INCENP: variants seen among roughly 807,000 people sequenced by gnomAD.
INCENP encodes binds and activates aurora-B and -C in vivo and in vitro.
In INCENP, 43 loss-of-function variants were observed where a neutral mutation model predicts 107.3. That is an observed-to-expected ratio of 0.40 (90% CI 0.31 to 0.52). INCENP has a LOEUF of 0.52. INCENP is among the 20% of genes least tolerant of loss of function. The probability of loss-of-function intolerance (pLI) is 0.53; values close to 1 mark genes in which losing one functional copy is unlikely to be tolerated. For missense variants in INCENP, 1,089 were observed against 1,250.9 expected (o/e 0.87, Z 1.95); for synonymous variants, 488 against 494.4 (o/e 0.99, Z 0.17).
At chr11:62,125,243 A>C (rs1158969117) in intron 1 of INCENP, among the ~76,000 whole-genome samples, 1 of 152,114 alleles carries the variant, frequency 6.6e-6, no homozygotes, top group Non-Finnish European at 1.5e-5. Context: ...ACCCTTTTTA[A>C]ATCGTTGCGC....
At chr11:62,132,690 C>T (rs1400209709) in intron 4 of INCENP, among the ~76,000 whole-genome samples, 1 of 152,172 alleles carries the variant, frequency 6.6e-6, no homozygotes, top group Non-Finnish European at 1.5e-5. Flanking sequence ...TCATGCCCTT[C>T]CATCACTCTT....
chr11:62,151,930 G>A lies in INCENP; in HGVS notation c.2711G>A (p.Gly904Asp). Residue 904 changes from glycine to aspartate, a missense_variant, in exon 19 of 19, where the codon GGC becomes GAC. Coordinates refer to ENST00000394818, the MANE Select transcript of INCENP (RefSeq NM_001040694.2). ...SAVWNSPPLQ[G>D]ARVPSSLAYS... ...GTCTGGAACTCACCGCCCCTGCAGG[G>A]CGCCAGGGTCCCCAGCAGCCTGGCC... 3 of 1,613,168 alleles carry A rather than the reference G, an allele frequency of 1.9e-6. No homozygotes were observed. Among genetic ancestry groups the A allele is most frequent in the African/African-American group, 1.3e-5 (1 of 75,068 alleles).
At chr11:62,148,717 C>T (rs1231091414) in intron 16 of INCENP, 22 bp from the exon 17 acceptor site, 1 of 1,556,164 alleles carries the variant, frequency 6.4e-7, no homozygotes, top group African/African-American at 1.4e-5. Context: ...TCCCTAACAC[C>T]CCATTGCCAC....
intron 1 of INCENP, 85 bp from the exon 2 acceptor site, chr11:62,128,066 G>A: frequency 2.2e-6 from 3 of 1,387,080 alleles, no homozygotes; most frequent in African/African-American, 2.8e-5. Context: ...GTGGTTGTGG[G>A]TCAGGTGGGT....
At chr11:62,128,022 A>T (rs761376315) in intron 1 of INCENP, 129 bp from the exon 2 acceptor site, 4 of 813,246 alleles carry the variant, frequency 4.9e-6, no homozygotes, top group Middle Eastern at 3.6e-4. Flanking sequence ...CTGTGAGCAG[A>T]GAGGGGCCCT....
chr11:62,129,699 A>G, intron 3 of INCENP, 83 bp from the exon 4 acceptor site: 1 of 1,147,300 alleles, frequency 8.7e-7, no homozygotes, highest in Non-Finnish European at 1.2e-6. Context: ...ATCATACTCT[A>G]TCCAAGCTGG....
At chr11:62,126,670 T>G (rs1418602849) in intron 1 of INCENP, among the ~76,000 whole-genome samples, 1 of 152,234 alleles carries the variant, frequency 6.6e-6, no homozygotes, top group Non-Finnish European at 1.5e-5. Flanking sequence ...GGTTGTCTCT[T>G]GGAATCCTCA....
intron 4 of INCENP, among the ~76,000 whole-genome samples, chr11:62,137,311 G>GA (rs947054947): frequency 6.6e-6 from 1 of 152,004 alleles, no homozygotes; most frequent in African/African-American, 2.4e-5. Flanking sequence ...TCAAAAAAAA[G>GA]AAAAAAAATT....
At chr11:62,136,501 G>A (rs990066363) in intron 4 of INCENP, among the ~76,000 whole-genome samples, 14 of 152,058 alleles carry the variant, frequency 9.2e-5, no homozygotes, top group Admixed American at 2.0e-4. Context: ...CCAACATAGC[G>A]AAACCCTATC....
In INCENP at chr11:62,141,240, T is replaced by C. The variant is rs1944115583; in HGVS notation, c.1593+196T>C. Among the ~76,000 whole-genome samples the C allele has an allele frequency of 2.0e-5, 3 of 152,214 alleles. No individual in the cohort carries two copies. The South Asian group carries it at 6.2e-4, about 32-fold the overall frequency. ...TGAGGGCACTGTCCTGCACTTGACCTTGTGGGCTCTGGACTACAGCCTGGA... is the reference window on the plus strand; with the variant it reads ...TGAGGGCACTGTCCTGCACTTGACCCTGTGGGCTCTGGACTACAGCCTGGA... On this transcript the variant is annotated intron_variant, in intron 10 of 18. Transcript: ENST00000394818.
Position 62,129,849 on chromosome 11 carries a change from G to T in INCENP, c.322G>T (p.Glu108Ter). Reference protein sequence around the residue: ...SRRLRSKDSVEKLATVVGENG... With the variant: ...SRRLRSKDSV The stretch of plus-strand genomic sequence containing the variant: ...ACGCCTCCGCAGCAAGGACAGTGTA[G>T]AGAAGCTGGCTACAGTGGTCGGGGA... Residue 108 changes from glutamate (E) to a stop codon, truncating the protein, a stop_gained, in exon 4 of 19, where the codon GAG (glutamate) becomes TAG (stop). Coordinates refer to ENST00000394818, the MANE Select transcript of INCENP (RefSeq NM_001040694.2). LOFTEE classifies it high-confidence loss of function. The T allele has an allele frequency of 6.2e-7, 1 of 1,613,092 alleles. No homozygotes were observed.
rs370271729 is a variant in INCENP, at chr11:62,148,841, G to A, written c.2386G>A (p.Val796Met). The change falls in exon 17 of 19, where the codon GTG (valine) becomes ATG (methionine). Residue 796 changes from valine (V) to methionine (M), a missense_variant. Transcript: ENST00000394818. ...CAAGGCCCTGAATGTGACTGTGGAC[G>A]TGCAGGTGCCACCTGGGCCCCAGTG... ...ASKALNVTVD[V>M]QSPACTSYQM... The A allele has an allele frequency of 1.6e-5, 26 of 1,601,426 alleles. No individual in the cohort carries two copies. In the African/African-American group the frequency reaches 1.7e-4, roughly 11 times the overall value.
chr11:62,152,063 CCTT>C lies in INCENP; in HGVS notation c.*91_*93del, dbSNP rs958524290. 5.0e-5 allele frequency: 51 copies of C among 1,027,506 alleles called. No individual in the cohort carries two copies. The highest frequency in any genetic ancestry group is 2.9e-4 in the African/African-American group (18 of 62,690). 63.6% of individuals were successfully genotyped at this position (1,027,506 alleles called of 1,614,324 possible). On this transcript the variant is annotated 3_prime_UTR_variant, in exon 19 of 19. Transcript: ENST00000394818. ...GGTCTCTGTCTTGGTCTGTTGCCCTCCTTCTTGGCATGCCATTGTGGAGGGCTT... is the reference window on the plus strand; with the variant it reads ...GGTCTCTGTCTTGGTCTGTTGCCCTCCTTGGCATGCCATTGTGGAGGGCTT...
At chr11:62,140,349 C>T in intron 8 of INCENP, 64 bp downstream of exon 8, 1 of 1,394,888 alleles carries the variant, frequency 7.2e-7, no homozygotes, top group Non-Finnish European at 1.0e-6. Flanking sequence ...GCCTTGTGTC[C>T]TTGCTCAGGG....
intron 4 of INCENP, 39 bp downstream of exon 4, chr11:62,130,629 T>C: frequency 1.9e-6 from 3 of 1,564,938 alleles, no homozygotes; most frequent in Non-Finnish European, 2.6e-6. Context: ...TGGTCCTTGG[T>C]GCCAGGCTCA....
In INCENP at chr11:62,128,826, GGAA is replaced by G. The variant is rs1565090191; in HGVS notation, c.203_205del (p.Lys68del). ...AAAACACCTTCTCAGAAGAACCGAC[GGAA>G]GAAGAGACGGATTTCTTATGTTCAG... On this transcript the variant is annotated inframe_deletion, in exon 3 of 19. Coordinates refer to ENST00000394818, the MANE Select transcript of INCENP (RefSeq NM_001040694.2). The G allele has an allele frequency of 6.2e-7, 1 of 1,614,124 alleles. No homozygotes were observed. Among genetic ancestry groups the G allele is most frequent in the Admixed American group, 1.7e-5 (1 of 60,020 alleles).
chr11:62,128,698 G>A (rs763951489), intron 2 of INCENP, 72 bp from the exon 3 acceptor site: 17 of 1,068,502 alleles, frequency 1.6e-5, no homozygotes, highest in Non-Finnish European at 2.3e-5. Flanking sequence ...ATGGGCAGGG[G>A]CCAGGCTGGG....
chr11:62,144,735 G>A lies in INCENP; in HGVS notation c.1606-247G>A, dbSNP rs751492097. On this transcript the variant is annotated intron_variant, in intron 11 of 18. Coordinates refer to ENST00000394818, the MANE Select transcript of INCENP (RefSeq NM_001040694.2). ...TTTGTGTTGCCCAAAACTTGGCAGG[G>A]CTCAATGGAGGGCACTGTGGCTCAG... 5 of 747,714 alleles carry A rather than the reference G, an allele frequency of 6.7e-6. 1 individual carries two copies. The South Asian group carries it at 6.8e-5, about 10-fold the overall frequency. The allele number at this position is 747,714 out of a possible 1,614,324, so 46.3% of individuals were successfully genotyped here. A position where few individuals can be genotyped will look rare whatever the true frequency, so the allele number is the denominator to read the frequency against.
intron 14 of INCENP, among the ~76,000 whole-genome samples, chr11:62,145,955 G>A (rs1944234372): frequency 6.6e-6 from 1 of 152,192 alleles, no homozygotes; most frequent in Admixed American, 6.5e-5. Context: ...GTAATTTGAG[G>A]GTTAAGTGCT....
Sources: allele counts gnomAD v4.1 joint callset (sites outside exome capture counted in the v4.1 genomes callset), GRCh38; gene constraint gnomAD v4.1.1; transcripts MANE v1.5; gene names NCBI Gene and HGNC (gene_info 2026-07-23, HGNC 2026-07-21).